The following ADSS2 variants were observed in gnomAD, a reference collection of about 807,000 sequenced individuals.
The protein encoded by ADSS2 is adenylosuccinate synthetase isozyme 2.
ADSS2 carries 30 observed loss-of-function variants against 60.0 expected under a neutral mutation model. The observed-to-expected ratio is 0.50, with a 90% CI of 0.37 to 0.68. The LOEUF is 0.68. ADSS2 is among the 30% of genes least tolerant of loss of function. The pLI is 0.00. For missense variants in ADSS2, 373 were observed against 554.8 expected (o/e 0.67, Z 3.29); for synonymous variants, 187 against 193.1 (o/e 0.97, Z 0.26).
intron 3 of ADSS2, 41 bp downstream of exon 3, chr1:244,436,784 C>G: frequency 6.5e-7 from 1 of 1,532,004 alleles, no homozygotes; most frequent in Non-Finnish European, 9.0e-7. Flanking sequence ...TAAAACTTTA[C>G]AAAGAACAAC....
chr1:244,437,626 G>A, intron 2 of ADSS2, 40 bp downstream of exon 2: 2 of 1,351,248 alleles, frequency 1.5e-6, no homozygotes, highest in East Asian at 2.3e-5. Context: ...TTATCAACTG[G>A]TGGGGGGGAA....
At chr1:244,444,466 G>A (rs1424236576) in intron 1 of ADSS2, among the ~76,000 whole-genome samples, 3 of 118,888 alleles carry the variant, frequency 2.5e-5, no homozygotes, top group Non-Finnish European at 3.3e-5. Context: ...AGTGAGCCGA[G>A]ATCCCGCCAC....
In ADSS2 at chr1:244,436,879, T is replaced by C; in HGVS notation, c.301A>G (p.Ile101Val). 6.2e-7 allele frequency: 1 copy of C among 1,611,808 alleles called. No individual in the cohort carries two copies. The highest frequency in any genetic ancestry group is 8.5e-7 in the Non-Finnish European group (1 of 1,178,944). The change falls in exon 3 of 13, where the codon ATT (isoleucine) becomes GTT (valine). Residue 101 changes from isoleucine to valine, a missense_variant. Coordinates refer to ENST00000366535, the MANE Select transcript of ADSS2 (RefSeq NM_001126.5). Reference protein sequence around the residue: ...VTAFIGNGVVIHLPGLFEEAE... With the variant: ...VTAFIGNGVVVHLPGLFEEAE... The stretch of plus-strand genomic sequence containing the variant: ...TCTTCAAACAATCCAGGTAGATGAA[T>C]TACCACACCATTTCCTAAAGGAAAA...
Position 244,411,413 on chromosome 1 carries a change from CTTTA to C in ADSS2, c.1188_1191del (p.Asn396LysfsTer56), listed in dbSNP as rs1664415189. The C allele has an allele frequency of 6.2e-7, 1 of 1,611,366 alleles. No individual in the cohort carries two copies. ...GGGAGAGTCTTATATTGAACTTCAACTTTATTTAAGACTTCTTGGTTTGCTAAAA... is the reference window on the plus strand; with the variant it reads ...GGGAGAGTCTTATATTGAACTTCAACTTTAAGACTTCTTGGTTTGCTAAAA... On this transcript the variant is annotated frameshift_variant, in exon 12 of 13. Transcript: ENST00000366535. LOFTEE classifies it high-confidence loss of function.
chr1:244,449,862 A>T (rs1016899574), intron 1 of ADSS2, among the ~76,000 whole-genome samples: 14 of 152,314 alleles, frequency 9.2e-5, no homozygotes, highest in Non-Finnish European at 1.6e-4. Context: ...CAAGGGCATC[A>T]GATCAGGTTG....
chr1:244,426,737 T>C (rs1449330627), intron 4 of ADSS2, among the ~76,000 whole-genome samples: 2 of 152,140 alleles, frequency 1.3e-5, no homozygotes, highest in Non-Finnish European at 2.9e-5. Context: ...ACTGTCACTT[T>C]TCAGTGAAAC....
chr1:244,435,168 CAAAAAAAAAAAAAA>C (rs60576167), intron 3 of ADSS2, among the ~76,000 whole-genome samples: 11 of 51,730 alleles, frequency 2.1e-4, no homozygotes, highest in Admixed American at 3.0e-4. Flanking sequence ...ACTCCGTCTC[CAAAAAAAAAAAAAA>C]AAAAAAAAAA....
rs183216274 is a variant in ADSS2, at chr1:244,416,343, G to C, written c.1071-265C>G. ...TTCTTTTTTGATCGTTTTGAGACAG[G>C]GTCTCGCTTTGTCACCCAGGCTGGA... On this transcript the variant is annotated intron_variant, in intron 10 of 12. Coordinates refer to ENST00000366535, the MANE Select transcript of ADSS2 (RefSeq NM_001126.5). 9.4e-4 allele frequency among the ~76,000 whole-genome samples: 143 copies of C among 152,182 alleles called. 1 individual carries two copies. In the Middle Eastern group the frequency reaches 0.017, roughly 18 times the overall value.
At chr1:244,426,637 G>C (rs967011835) in intron 4 of ADSS2, among the ~76,000 whole-genome samples, 3 of 152,028 alleles carry the variant, frequency 2.0e-5, no homozygotes, top group African/African-American at 7.2e-5. Flanking sequence ...TTATTAATAT[G>C]ATTAATGTTA....
At chr1:244,419,511 CA>C (rs1664629368) in intron 8 of ADSS2, among the ~76,000 whole-genome samples, 1 of 152,118 alleles carries the variant, frequency 6.6e-6, no homozygotes, top group Non-Finnish European at 1.5e-5. Context: ...ACTATGGTAT[CA>C]AAAATACATA....
intron 1 of ADSS2, among the ~76,000 whole-genome samples, chr1:244,445,657 A>AG (rs1368223364): frequency 2.6e-5 from 4 of 152,036 alleles, no homozygotes; most frequent in East Asian, 1.9e-4. Flanking sequence ...TTAAAAAAAA[A>AG]AAAAGTTTGG....
At chr1:244,418,624 A>G in intron 9 of ADSS2, 136 bp downstream of exon 9, 1 of 931,664 alleles carries the variant, frequency 1.1e-6, no homozygotes, top group Non-Finnish European at 1.5e-6. Flanking sequence ...TCCAGCCAAA[A>G]TTATGTATTT....
At chr1:244,431,928 C>T (rs1235457413) in intron 4 of ADSS2, among the ~76,000 whole-genome samples, 1 of 152,136 alleles carries the variant, frequency 6.6e-6, no homozygotes, top group East Asian at 1.9e-4. Context: ...GCTACTGCCA[C>T]AGGACACACG....
rs139290156 is a variant in ADSS2, at chr1:244,437,718, A to C, written c.234T>G (p.Asp78Glu). 217 of 1,608,770 alleles carry C rather than the reference A, an allele frequency of 1.3e-4. No individual in the cohort carries two copies. The highest frequency in any genetic ancestry group is 1.8e-4 in the Non-Finnish European group (214 of 1,175,396). The change falls in exon 2 of 13, where the codon GAT becomes GAG. Residue 78 changes from aspartate to glutamate, a missense_variant. Physicochemically the swap from Asp to Glu is conservative, Grantham distance 45 (BLOSUM62 2). Coordinates refer to ENST00000366535, the MANE Select transcript of ADSS2 (RefSeq NM_001126.5). The part of the protein sequence containing the change: ...HTVVVDSVEY[D>E]FHLLPSGIIN... Reference sequence around the variant, plus strand: ...TTATTCCACTGGGTAAGAGATGAAAATCATATTCCACAGAATCCACAACAA... The same window carrying C: ...TTATTCCACTGGGTAAGAGATGAAACTCATATTCCACAGAATCCACAACAA...
chr1:244,439,097 G>A (rs1024211279), intron 1 of ADSS2, among the ~76,000 whole-genome samples: 19 of 152,018 alleles, frequency 1.2e-4, no homozygotes, highest in African/African-American at 4.1e-4. Context: ...ATCTCCATGA[G>A]TTCCACTGTT....
intron 3 of ADSS2, among the ~76,000 whole-genome samples, chr1:244,435,006 A>T (rs1159591262): frequency 6.6e-6 from 1 of 151,706 alleles, no homozygotes. Flanking sequence ...TTCTCTACTA[A>T]AAATACAAAA....
At chr1:244,443,985 C>G (rs1665317427) in intron 1 of ADSS2, among the ~76,000 whole-genome samples, 1 of 152,236 alleles carries the variant, frequency 6.6e-6, no homozygotes, top group Admixed American at 6.5e-5. Context: ...CACCAACACC[C>G]CAAGAAACAA....
chr1:244,423,133 A>C (rs1399113527), intron 6 of ADSS2, among the ~76,000 whole-genome samples: 1 of 152,224 alleles, frequency 6.6e-6, no homozygotes, highest in Non-Finnish European at 1.5e-5. Context: ...GTTTAGGCAT[A>C]GCAACAATAT....
At chr1:244,439,332 C>T (rs1444994721) in intron 1 of ADSS2, among the ~76,000 whole-genome samples, 1 of 152,184 alleles carries the variant, frequency 6.6e-6, no homozygotes, top group African/African-American at 2.4e-5. Context: ...GGTAACGCTG[C>T]TAATTATTCA....
Sources: gnomAD v4.1 joint callset for allele counts (sites outside exome capture counted in the v4.1 genomes callset) on GRCh38, gnomAD v4.1.1 for gene constraint, MANE v1.5 for transcripts, NCBI Gene and HGNC (gene_info 2026-07-23, HGNC 2026-07-21) for gene names.